Variants in SEMA3C observed in about 807,000 individuals in gnomAD.
The protein encoded by SEMA3C is semaphorin 3C.
In SEMA3C, 47 loss-of-function variants were observed where a neutral mutation model predicts 89.4. That is an observed-to-expected ratio of 0.53 (90% CI 0.42 to 0.67). The LOEUF (loss-of-function observed/expected upper bound fraction) is 0.67. SEMA3C is among the 30% of genes least tolerant of loss of function. The pLI, the probability that SEMA3C is intolerant of heterozygous loss-of-function variation, is 0.00. For synonymous variants in SEMA3C, 310 were observed against 320.2 expected, an observed-to-expected ratio of 0.97 and a Z score of 0.34; for missense variants, 839 against 929.1, an observed-to-expected ratio of 0.90 and a Z score of 1.26.
intron 10 of SEMA3C, among the ~76,000 whole-genome samples, chr7:80,800,454 A>G (rs1261692043): frequency 1.3e-5 from 2 of 152,260 alleles, no homozygotes; most frequent in South Asian, 4.2e-4. Flanking sequence ...ATTTGCTCAC[A>G]AGTGCTCAAA....
intron 2 of SEMA3C, among the ~76,000 whole-genome samples, chr7:80,894,617 C>A (rs1321460834): frequency 6.6e-6 from 1 of 152,100 alleles, no homozygotes; most frequent in African/African-American, 2.4e-5. Flanking sequence ...ATTACTTTTT[C>A]TTCTTTTCTT....
intron 2 of SEMA3C, among the ~76,000 whole-genome samples, chr7:80,854,671 C>T (rs1208219194): frequency 6.6e-6 from 1 of 152,114 alleles, no homozygotes; most frequent in Non-Finnish European, 1.5e-5. Context: ...AATGAGCGGC[C>T]ATCTGGGCTC....
At chr7:80,818,743 T>C (rs996538937) in intron 4 of SEMA3C, among the ~76,000 whole-genome samples, 12 of 152,202 alleles carry the variant, frequency 7.9e-5, no homozygotes, top group Admixed American at 4.6e-4. Context: ...CTGTCCTGGG[T>C]TGCATGAGGC....
At chr7:80,901,831 C>T (rs1181092487) in intron 2 of SEMA3C, among the ~76,000 whole-genome samples, 3 of 152,148 alleles carry the variant, frequency 2.0e-5, no homozygotes, top group African/African-American at 4.8e-5. Flanking sequence ...ATTTATACCT[C>T]CCACAAAAAA....
chr7:80,844,602 T>C (rs1790345654), intron 2 of SEMA3C, among the ~76,000 whole-genome samples: 2 of 152,166 alleles, frequency 1.3e-5, no homozygotes, highest in African/African-American at 2.4e-5. Context: ...CCAGGTACAT[T>C]ACATTGCTCA....
intron 12 of SEMA3C, among the ~76,000 whole-genome samples, chr7:80,778,113 A>G (rs956923070): frequency 6.6e-6 from 1 of 152,226 alleles, no homozygotes; most frequent in African/African-American, 2.4e-5. Flanking sequence ...TAATCCATCA[A>G]AAAATGAATT....
chr7:80,744,875 A>G lies in SEMA3C; in HGVS notation c.*19T>C. On this transcript the variant is annotated 3_prime_UTR_variant, in exon 18 of 18. Transcript: ENST00000265361. ...CAGAGCATTTGTTAATGGAAGCATA[A>G]GACCCACATAAGAAAATATTATGAC... is the stretch of plus-strand genomic sequence containing the variant. 1 of 1,613,470 alleles carries G rather than the reference A, an allele frequency of 6.2e-7. No homozygotes were observed. Among genetic ancestry groups the G allele is most frequent in the Non-Finnish European group, 8.5e-7 (1 of 1,179,526 alleles).
intron 1 of SEMA3C, among the ~76,000 whole-genome samples, chr7:80,917,387 T>C (rs1792303608): frequency 6.6e-6 from 1 of 152,226 alleles, no homozygotes; most frequent in African/African-American, 2.4e-5. Context: ...TCTGCCATTT[T>C]ATCCAGATGA....
At chr7:80,912,038 A>G (rs953747914) in intron 2 of SEMA3C, among the ~76,000 whole-genome samples, 5 of 152,090 alleles carry the variant, frequency 3.3e-5, no homozygotes, top group East Asian at 1.9e-4. Context: ...TTTGCTCCCA[A>G]TTGTAGGAAC....
At chr7:80,751,071 C>A (rs754340145) in intron 16 of SEMA3C, among the ~76,000 whole-genome samples, 198 bp downstream of exon 16, 3 of 152,138 alleles carry the variant, frequency 2.0e-5, no homozygotes, top group Non-Finnish European at 2.9e-5. Context: ...TGTTCCCAGA[C>A]ATTTGTTTTA....
At chr7:80,811,829 T>C (rs886931534) in intron 5 of SEMA3C, among the ~76,000 whole-genome samples, 1 of 152,124 alleles carries the variant, frequency 6.6e-6, no homozygotes, top group African/African-American at 2.4e-5. Context: ...TAATCTGACA[T>C]GGCATGTTTT....
intron 5 of SEMA3C, among the ~76,000 whole-genome samples, chr7:80,814,335 G>A (rs942841215): frequency 5.3e-5 from 8 of 151,878 alleles, no homozygotes; most frequent in African/African-American, 1.2e-4. Context: ...TGATCTGCCC[G>A]CCTCGGCCTC....
upstream of SEMA3C, chr7:80,919,154 G>T: frequency 1.0e-6 from 1 of 984,614 alleles, no homozygotes; most frequent in African/African-American, 1.7e-5. Flanking sequence ...CTGCAGGCTC[G>T]CATCACCACC....
chr7:80,896,993 T>A (rs192731641), intron 2 of SEMA3C, among the ~76,000 whole-genome samples: 2 of 152,240 alleles, frequency 1.3e-5, no homozygotes, highest in African/African-American at 4.8e-5. Context: ...GTAGCAAGAC[T>A]TGTGTGGCAG....
intron 2 of SEMA3C, among the ~76,000 whole-genome samples, chr7:80,888,604 A>G (rs1791538830): frequency 6.6e-6 from 1 of 152,196 alleles, no homozygotes; most frequent in Non-Finnish European, 1.5e-5. Flanking sequence ...GTAATTAACA[A>G]AGGACAAGGA....
At chr7:80,765,090 G>A in intron 13 of SEMA3C, 65 bp downstream of exon 13, 6 of 1,058,250 alleles carry the variant, frequency 5.7e-6, no homozygotes, top group Non-Finnish European at 8.4e-6. Flanking sequence ...CTCCCAAGTG[G>A]CTGTAAGATT....
Position 80,881,912 on chromosome 7 carries a change from T to C in SEMA3C, c.103+34767A>G, listed in dbSNP as rs117739774. Among the ~76,000 whole-genome samples, 142 of 152,310 alleles carry C rather than the reference T, an allele frequency of 9.3e-4. 1 individual carries two copies. The East Asian group carries it at 0.023, about 25-fold the overall frequency. On this transcript the variant is annotated intron_variant, in intron 2 of 17. Transcript: ENST00000265361. ...CACGTATGGATACAAGTATCATCTA[T>C]TGGGGGACAAAACACAAAATAAACT...
chr7:80,787,763 T>C (rs1161908080), intron 12 of SEMA3C, among the ~76,000 whole-genome samples: 1 of 152,198 alleles, frequency 6.6e-6, no homozygotes, highest in East Asian at 1.9e-4. Context: ...TGAGTAAGAA[T>C]ATAATTGATA....
intron 2 of SEMA3C, among the ~76,000 whole-genome samples, chr7:80,897,336 T>G (rs772038559): frequency 3.3e-5 from 5 of 152,302 alleles, no homozygotes; most frequent in Middle Eastern, 6.8e-3. Context: ...ATCCTTTCCT[T>G]GTTCCTTGAA....
Sources: allele counts gnomAD v4.1 joint callset (sites outside exome capture counted in the v4.1 genomes callset), GRCh38; gene constraint gnomAD v4.1.1; transcripts MANE v1.5; gene names NCBI Gene and HGNC (gene_info 2026-07-23, HGNC 2026-07-21).